EPHA4: variants seen among roughly 807,000 people sequenced by gnomAD.
The protein encoded by EPHA4 is ephrin type-A receptor 4.
Under a neutral mutation model 108.3 loss-of-function variants are expected in EPHA4, and 19 were observed. The ratio of observed to expected loss-of-function variants is 0.18; its 90% CI spans 0.12 to 0.26. The LOEUF is 0.26. EPHA4 is among the 10% of genes least tolerant of loss of function. The pLI is 1.00. For missense variants in EPHA4, 917 were observed against 1,254.0 expected, an observed-to-expected ratio of 0.73 and a Z score of 4.06; for synonymous variants, 449 against 455.5, an observed-to-expected ratio of 0.99 and a Z score of 0.18.
intron 11 of EPHA4, among the ~76,000 whole-genome samples, chr2:221,441,180 A>AT (rs974929808): frequency 7.4e-6 from 1 of 136,048 alleles, no homozygotes; most frequent in African/African-American, 2.8e-5. Context: ...CTAATGTCTC[A>AT]TTTTTTCTTT....
At chr2:221,485,196 C>T (rs772326227) in intron 4 of EPHA4, among the ~76,000 whole-genome samples, 101 of 152,156 alleles carry the variant, frequency 6.6e-4, no homozygotes, top group Middle Eastern at 3.4e-3. Context: ...GTATGTAGGA[C>T]GGGGCACGGC....
intron 4 of EPHA4, among the ~76,000 whole-genome samples, chr2:221,490,258 T>TAA (rs796139643): frequency 6.9e-5 from 8 of 116,070 alleles, no homozygotes; most frequent in Admixed American, 1.7e-4. Flanking sequence ...TGCTAAAATG[T>TAA]AAAAAAAAAA....
At position 221,564,548 on chromosome 2, in the gene EPHA4, G is replaced by A. The variant is rs181618193; in HGVS notation, c.160-154C>T. Among the ~76,000 whole-genome samples the A allele has an allele frequency of 1.0e-3, 154 of 152,042 alleles. 1 individual carries two copies. Among genetic ancestry groups the A allele is most frequent in the Non-Finnish European group, 1.5e-3 (104 of 67,998 alleles). Reference sequence around the variant, plus strand: ...ATCATCACTAATAAAGGATCTTATGGGAGATAAGACAATATTTTATTGAGG... The same window carrying A: ...ATCATCACTAATAAAGGATCTTATGAGAGATAAGACAATATTTTATTGAGG... On this transcript the variant is annotated intron_variant, in intron 2 of 17. Transcript: ENST00000281821.
At chr2:221,509,661 C>T (rs1318178951) in intron 3 of EPHA4, among the ~76,000 whole-genome samples, 3 of 152,056 alleles carry the variant, frequency 2.0e-5, no homozygotes, top group Non-Finnish European at 2.9e-5. Context: ...AAGGAATATA[C>T]CAGACATCCA....
chr2:221,566,982 G>GAAGAAGAAGAAGAAGAAGAAA lies in EPHA4; in HGVS notation c.159+1735_159+1736insTTTCTTCTTCTTCTTCTTCTT, dbSNP rs1694684166. Among the ~76,000 whole-genome samples the GAAGAAGAAGAAGAAGAAGAAA allele has an allele frequency of 3.0e-5, 4 of 131,678 alleles. 2 individuals are homozygous for GAAGAAGAAGAAGAAGAAGAAA. Among genetic ancestry groups the GAAGAAGAAGAAGAAGAAGAAA allele is most frequent in the Non-Finnish European group, 6.5e-5 (4 of 61,532 alleles). 86.4% of individuals were successfully genotyped at this position (131,678 alleles called of 152,430 possible). On this transcript the variant is annotated intron_variant, in intron 2 of 17. Coordinates refer to ENST00000281821, the MANE Select transcript of EPHA4 (RefSeq NM_004438.5). ...GGAAGAGGAAGAGGAAGAAGAAGAA[G>GAAGAAGAAGAAGAAGAAGAAA]AAGAAGAAGAAGAAGAAGAAGAAGA...
At chr2:221,461,661 T>C (rs1458431180) in intron 5 of EPHA4, among the ~76,000 whole-genome samples, 1 of 152,204 alleles carries the variant, frequency 6.6e-6, no homozygotes, top group Non-Finnish European at 1.5e-5. Flanking sequence ...TGGGTAAGCA[T>C]GGCCAGATAG....
At chr2:221,448,097 C>T (rs1379263378) in intron 8 of EPHA4, among the ~76,000 whole-genome samples, 1 of 152,144 alleles carries the variant, frequency 6.6e-6, no homozygotes, top group Non-Finnish European at 1.5e-5. Flanking sequence ...CCACATAGGC[C>T]TCCCAAAGTG....
intron 4 of EPHA4, among the ~76,000 whole-genome samples, chr2:221,490,490 GTAAC>G (rs71737891): frequency 0.033 from 5,002 of 152,218 alleles, 124 homozygotes; most frequent in Non-Finnish European, 0.05. Flanking sequence ...GGGCAGAAAG[GTAAC>G]TCTCCCATGA....
chr2:221,487,657 T>C (rs889119115), intron 4 of EPHA4, among the ~76,000 whole-genome samples: 7 of 152,154 alleles, frequency 4.6e-5, no homozygotes, highest in African/African-American at 1.4e-4. Flanking sequence ...ACAAAAGTAA[T>C]GGTGGTTTTT....
intron 3 of EPHA4, among the ~76,000 whole-genome samples, chr2:221,532,281 C>A (rs1380175859): frequency 6.6e-6 from 1 of 151,988 alleles, no homozygotes; most frequent in Non-Finnish European, 1.5e-5. Flanking sequence ...TGCTGCCATG[C>A]GTGGCTAATT....
chr2:221,498,239 A>G (rs183787158), intron 4 of EPHA4, among the ~76,000 whole-genome samples: 455 of 152,316 alleles, frequency 3.0e-3, no homozygotes, highest in African/African-American at 0.01. Context: ...GATACATTTC[A>G]TGACACTCAT....
At chr2:221,568,916 G>T in intron 1 of EPHA4, 131 bp from the exon 2 acceptor site, 2 of 566,380 alleles carry the variant, frequency 3.5e-6, no homozygotes, top group Non-Finnish European at 5.9e-6. Flanking sequence ...CCTAAACTTG[G>T]GCTCACTTAT....
chr2:221,545,155 T>C lies in EPHA4; in HGVS notation c.823+18576A>G, dbSNP rs375276887. On this transcript the variant is annotated intron_variant, in intron 3 of 17. Coordinates refer to ENST00000281821, the MANE Select transcript of EPHA4 (RefSeq NM_004438.5). ...GTCAAATTCAGAATTACAAAGCAAA[T>C]AAAAAGGTATGGCCGGGCGCGGTGG... is the stretch of plus-strand genomic sequence containing the variant. Among the ~76,000 whole-genome samples, 14 of 152,234 alleles carry C rather than the reference T, an allele frequency of 9.2e-5. No individual in the cohort carries two copies. In the East Asian group the frequency reaches 2.5e-3, roughly 27 times the overall value.
chr2:221,570,335 A>C (rs1339136099), intron 1 of EPHA4, among the ~76,000 whole-genome samples: 1 of 146,128 alleles, frequency 6.8e-6, no homozygotes, highest in East Asian at 2.0e-4. Flanking sequence ...CCAAAAAAAG[A>C]GGGGGTTTAA....
intron 3 of EPHA4, among the ~76,000 whole-genome samples, chr2:221,556,455 C>T (rs1159239706): frequency 6.6e-6 from 1 of 151,280 alleles, no homozygotes; most frequent in Admixed American, 6.6e-5. Flanking sequence ...CACCACCATG[C>T]CCAGCTAATT....
At position 221,420,248 on chromosome 2, in the gene EPHA4, A is replaced by G. The variant is rs1689716963; in HGVS notation, c.*1124T>C. On this transcript the variant is annotated 3_prime_UTR_variant, in exon 18 of 18. Transcript: ENST00000281821. ...AATACATATAAATAAAACCGCAAAG[A>G]GTCTGGGGCAAGGGCTCTGCAGAGC... is the stretch of plus-strand genomic sequence containing the variant. 1 of 152,488 alleles carries G rather than the reference A, an allele frequency of 6.6e-6. No individual in the cohort carries two copies. Among genetic ancestry groups the G allele is most frequent in the Non-Finnish European group, 1.5e-5 (1 of 68,010 alleles). The allele number at this position is 152,488 out of a possible 1,614,324, so 9.4% of individuals were successfully genotyped here. A position where few individuals can be genotyped will look rare whatever the true frequency, so the allele number is the denominator to read the frequency against.
intron 3 of EPHA4, among the ~76,000 whole-genome samples, chr2:221,511,866 T>C (rs1692842844): frequency 6.6e-6 from 1 of 152,200 alleles, no homozygotes; most frequent in African/African-American, 2.4e-5. Flanking sequence ...TTCTAATTCT[T>C]CCATTAGAGC....
At position 221,472,765 on chromosome 2, in the gene EPHA4, G is replaced by A. The variant is rs944856214; in HGVS notation, c.1318+9587C>T. On this transcript the variant is annotated intron_variant, in intron 5 of 17. Coordinates refer to ENST00000281821, the MANE Select transcript of EPHA4 (RefSeq NM_004438.5). ...AGAATAGTAATAGAAAAAATATTTC[G>A]TGTCTCTATAATTTTACACATAAAG... Among the ~76,000 whole-genome samples the A allele has an allele frequency of 1.1e-4, 16 of 152,196 alleles. No homozygotes were observed. In the South Asian group the frequency reaches 2.1e-3, roughly 20 times the overall value.
chr2:221,519,303 A>C (rs1332223809), intron 3 of EPHA4, among the ~76,000 whole-genome samples: 1 of 152,206 alleles, frequency 6.6e-6, no homozygotes, highest in African/African-American at 2.4e-5. Context: ...TTATGGCCAC[A>C]AAGCAAGTCC....
Sources: allele counts gnomAD v4.1 joint callset (sites outside exome capture counted in the v4.1 genomes callset), GRCh38; gene constraint gnomAD v4.1.1; transcripts MANE v1.5; gene names NCBI Gene and HGNC (gene_info 2026-07-23, HGNC 2026-07-21).